The following USO1 variants were observed in gnomAD, a reference collection of about 807,000 sequenced individuals.
USO1 encodes general vesicular transport factor p115.
In USO1, 57 loss-of-function variants were observed where a neutral mutation model predicts 124.5. The ratio of observed to expected loss-of-function variants is 0.46; its 90% CI spans 0.37 to 0.57. The LOEUF is 0.57. USO1 is among the 20% of genes least tolerant of loss of function. The pLI is 0.00. For synonymous variants in USO1, 369 were observed against 362.8 expected (o/e 1.02, Z -0.19); for missense variants, 900 against 1,040.6 (o/e 0.86, Z 1.86).
At chr4:75,729,378 C>T (rs188738799) in intron 1 of USO1, among the ~76,000 whole-genome samples, 3 of 151,376 alleles carry the variant, frequency 2.0e-5, no homozygotes, top group South Asian at 2.1e-4. Flanking sequence ...CTCGCTCTGT[C>T]GCCCAGGCTG....
intron 22 of USO1, 126 bp from the exon 23 acceptor site, chr4:75,812,034 C>T: frequency 1.4e-6 from 2 of 1,400,308 alleles, no homozygotes; most frequent in Non-Finnish European, 1.9e-6. Context: ...TACCCTTAAC[C>T]TCCACCCCTA....
chr4:75,775,017 T>TA (rs1491296868), intron 8 of USO1, among the ~76,000 whole-genome samples: 2 of 152,226 alleles, frequency 1.3e-5, no homozygotes, highest in African/African-American at 4.8e-5. Context: ...AAATCTCACC[T>TA]ATATCTCTTC....
intron 10 of USO1, 92 bp from the exon 11 acceptor site, chr4:75,790,058 A>C (rs540850480): frequency 3.0e-3 from 3,155 of 1,062,998 alleles, no homozygotes; most frequent in East Asian, 7.4e-3. Context: ...AAAAAAAAAA[A>C]CAAAAAAAAA....
At chr4:75,787,496 G>A (rs1016781432) in intron 10 of USO1, among the ~76,000 whole-genome samples, 12 of 151,990 alleles carry the variant, frequency 7.9e-5, no homozygotes, top group African/African-American at 1.4e-4. Flanking sequence ...GTATGATTTC[G>A]TTTTTATTTT....
At chr4:75,768,332 G>A (rs1721828219) in intron 4 of USO1, among the ~76,000 whole-genome samples, 1 of 152,170 alleles carries the variant, frequency 6.6e-6, no homozygotes, top group African/African-American at 2.4e-5. Flanking sequence ...TCTCTCAGCA[G>A]TGTTTTGGAG....
intron 18 of USO1, among the ~76,000 whole-genome samples, chr4:75,804,558 T>A (rs1346951620): frequency 1.3e-5 from 2 of 152,072 alleles, no homozygotes; most frequent in Non-Finnish European, 2.9e-5. Flanking sequence ...TAAAAAAAAA[T>A]ACCAATGCTG....
At chr4:75,736,712 T>G (rs1720802823) in intron 1 of USO1, among the ~76,000 whole-genome samples, 1 of 152,230 alleles carries the variant, frequency 6.6e-6, no homozygotes, top group South Asian at 2.1e-4. Context: ...CTAAAGTCTC[T>G]TCTAATAAAC....
In USO1 at chr4:75,749,751, C is replaced by CT. The variant is rs1408641001; in HGVS notation, c.67-2608dup. On this transcript the variant is annotated intron_variant, in intron 1 of 23. Transcript: ENST00000514213. ...ACCCAAGTGTTTTTTAAACTATGTT[C>CT]TTTTTTTTTTTTTTCTCCCGAGACG... Among the ~76,000 whole-genome samples the CT allele has an allele frequency of 2.3e-3, 321 of 137,728 alleles. 1 individual carries two copies. The Middle Eastern group carries it at 0.031, about 13-fold the overall frequency. 90.4% of individuals were successfully genotyped at this position (137,728 alleles called of 152,430 possible).
chr4:75,736,824 CTT>C (rs1577925239), intron 1 of USO1, among the ~76,000 whole-genome samples: 1 of 152,200 alleles, frequency 6.6e-6, no homozygotes, highest in African/African-American at 2.4e-5. Flanking sequence ...CAAACTGTCT[CTT>C]TTTTCTACTG....
intron 16 of USO1, 84 bp from the exon 17 acceptor site, chr4:75,800,995 A>G: frequency 7.2e-7 from 1 of 1,395,138 alleles, no homozygotes; most frequent in African/African-American, 1.5e-5. Flanking sequence ...TCATGGAGTT[A>G]GGTTATATGT....
chr4:75,772,949 T>G (rs1721973083), intron 7 of USO1, among the ~76,000 whole-genome samples: 2 of 152,056 alleles, frequency 1.3e-5, no homozygotes, highest in South Asian at 4.2e-4. Context: ...ATACAAAAAA[T>G]TAACTGGGTG....
chr4:75,805,987 A>G (rs533207633), intron 19 of USO1, among the ~76,000 whole-genome samples: 1 of 152,082 alleles, frequency 6.6e-6, no homozygotes, highest in South Asian at 2.1e-4. Flanking sequence ...GGTAAAATAA[A>G]AATTTTATTT....
chr4:75,770,226 A>T, intron 4 of USO1: 1 of 336,190 alleles, frequency 3.0e-6, no homozygotes, highest in Non-Finnish European at 5.2e-6. Flanking sequence ...TATCATATTT[A>T]AACATTTAGC....
At chr4:75,757,771 C>T (rs1365674871) in intron 4 of USO1, among the ~76,000 whole-genome samples, 198 bp downstream of exon 4, 1 of 152,024 alleles carries the variant, frequency 6.6e-6, no homozygotes. Flanking sequence ...TAAGTCAGAA[C>T]ATTATAGTGA....
chr4:75,753,586 C>T (rs2149155389), intron 3 of USO1, among the ~76,000 whole-genome samples: 1 of 151,782 alleles, frequency 6.6e-6, no homozygotes, highest in African/African-American at 2.4e-5. Context: ...GGTGTGTTGT[C>T]ACATACCTGT....
intron 13 of USO1, among the ~76,000 whole-genome samples, chr4:75,796,627 C>T (rs753388696): frequency 2.6e-5 from 4 of 152,014 alleles, no homozygotes; most frequent in African/African-American, 4.8e-5. Flanking sequence ...TGTGAGACAC[C>T]GCGCCCAGCC....
intron 1 of USO1, among the ~76,000 whole-genome samples, chr4:75,744,606 G>C (rs185776728): frequency 6.6e-6 from 1 of 152,240 alleles, no homozygotes; most frequent in East Asian, 1.9e-4. Flanking sequence ...TTTTAGTAGA[G>C]ACAAGGTTTC....
intron 3 of USO1, among the ~76,000 whole-genome samples, chr4:75,753,758 T>C (rs1429125211): frequency 6.6e-6 from 1 of 151,292 alleles, no homozygotes; most frequent in Non-Finnish European, 1.5e-5. Flanking sequence ...AAGCATCATT[T>C]AGCCCATTTT....
At chr4:75,729,846 A>G (rs921705581) in intron 1 of USO1, 12 of 261,730 alleles carry the variant, frequency 4.6e-5, no homozygotes, top group African/African-American at 2.5e-4. Context: ...TGTCTCAGAA[A>G]GCAGAAGGGC....
Sources: gnomAD v4.1 joint callset for allele counts (sites outside exome capture counted in the v4.1 genomes callset) on GRCh38, gnomAD v4.1.1 for gene constraint, MANE v1.5 for transcripts, NCBI Gene and HGNC (gene_info 2026-07-23, HGNC 2026-07-21) for gene names.